The following FOXN2 variants were observed in gnomAD, a reference collection of about 807,000 sequenced individuals.
FOXN2 encodes forkhead box N2.
FOXN2 carries 19 observed loss-of-function variants against 41.2 expected under a neutral mutation model. That is an observed-to-expected ratio of 0.46 (90% CI 0.32 to 0.68). The LOEUF (loss-of-function observed/expected upper bound fraction) is 0.68. FOXN2 is among the 30% of genes least tolerant of loss of function. FOXN2 has a pLI of 0.03. For missense variants in FOXN2, 587 were observed against 509.4 expected (o/e 1.15, Z -1.47); for synonymous variants, 195 against 176.8 (o/e 1.10, Z -0.82).
At chr2:48,359,392 C>G (rs1314112893) in intron 4 of FOXN2, among the ~76,000 whole-genome samples, 1 of 152,138 alleles carries the variant, frequency 6.6e-6, no homozygotes, top group Non-Finnish European at 1.5e-5. Flanking sequence ...CTCCTGGGTT[C>G]AGGTGATCCT....
rs1052654368 is a variant in FOXN2, at chr2:48,379,087, G to A, written c.*3644G>A. The A allele has an allele frequency of 7.9e-5, 12 of 152,388 alleles. No homozygotes were observed. The highest frequency in any genetic ancestry group is 1.7e-4 in the African/African-American group (7 of 41,358). 9.4% of individuals were successfully genotyped at this position (152,388 alleles called of 1,614,324 possible). A position where few individuals can be genotyped will look rare whatever the true frequency, so the allele number is the denominator to read the frequency against. On this transcript the variant is annotated 3_prime_UTR_variant, in exon 7 of 7. Transcript: ENST00000340553. ...TCTGATGTAGCATAAAAATTGTCCC[G>A]GTTTGAGTTATAACTGCCAGTAGAT...
intron 2 of FOXN2, among the ~76,000 whole-genome samples, chr2:48,330,451 A>G (rs556483474): frequency 2.6e-5 from 4 of 152,218 alleles, no homozygotes; most frequent in Non-Finnish European, 5.9e-5. Flanking sequence ...TGTAGCAGAC[A>G]TTTCTTTTTC....
chr2:48,352,923 G>A (rs1188053429), intron 3 of FOXN2, among the ~76,000 whole-genome samples: 1 of 152,056 alleles, frequency 6.6e-6, no homozygotes, highest in Admixed American at 6.6e-5. Flanking sequence ...GTTGCTTTTT[G>A]ATTCTGGCCA....
intron 3 of FOXN2, among the ~76,000 whole-genome samples, chr2:48,353,712 G>C (rs996845761): frequency 2.0e-5 from 3 of 151,704 alleles, no homozygotes; most frequent in African/African-American, 7.3e-5. Flanking sequence ...ATGAACATTT[G>C]GGTTTCTAAT....
In FOXN2 at chr2:48,375,480, T is replaced by A. The variant is rs1421317627; in HGVS notation, c.*37T>A. 2 of 1,538,466 alleles carry A rather than the reference T, an allele frequency of 1.3e-6. No homozygotes were observed. Among genetic ancestry groups the A allele is most frequent in the Admixed American group, 1.9e-5 (1 of 53,068 alleles). On this transcript the variant is annotated 3_prime_UTR_variant, in exon 7 of 7. Coordinates refer to ENST00000340553, the MANE Select transcript of FOXN2 (RefSeq NM_002158.4). ...GTGTGGCAATACTCTTTCACTTAAT[T>A]CTTTACAAGGGATATCAAAGCCATA...
chr2:48,333,123 A>G (rs1670118815), intron 2 of FOXN2, among the ~76,000 whole-genome samples: 1 of 152,144 alleles, frequency 6.6e-6, no homozygotes, highest in Admixed American at 6.5e-5. Context: ...GAAGGCTTTC[A>G]TTTTATAATT....
chr2:48,361,494 A>C (rs1672183683), intron 4 of FOXN2, among the ~76,000 whole-genome samples: 1 of 152,048 alleles, frequency 6.6e-6, no homozygotes, highest in Non-Finnish European at 1.5e-5. Flanking sequence ...ATTAAACTAC[A>C]ACATAAGGGT....
At chr2:48,341,370 A>G (rs1670757620) in intron 2 of FOXN2, among the ~76,000 whole-genome samples, 1 of 152,308 alleles carries the variant, frequency 6.6e-6, no homozygotes, top group Admixed American at 6.5e-5. Context: ...GTAATATTGC[A>G]TATTTATATA....
intron 2 of FOXN2, among the ~76,000 whole-genome samples, chr2:48,338,288 A>G (rs1169732952): frequency 1.3e-5 from 2 of 152,362 alleles, no homozygotes; most frequent in African/African-American, 2.4e-5. Context: ...TGCAGCAAAC[A>G]AAAAACTGAG....
intron 6 of FOXN2, among the ~76,000 whole-genome samples, chr2:48,374,356 T>C (rs1673098240): frequency 6.6e-6 from 1 of 152,124 alleles, no homozygotes; most frequent in African/African-American, 2.4e-5. Context: ...AGGTAACTTT[T>C]TTGTCCATAA....
intron 5 of FOXN2, among the ~76,000 whole-genome samples, chr2:48,367,197 A>G (rs915370260): frequency 6.6e-6 from 1 of 152,182 alleles, no homozygotes; most frequent in Non-Finnish European, 1.5e-5. Flanking sequence ...AGATAGCAGA[A>G]CGAAATTTTT....
chr2:48,373,657 G>A (rs1271654114), intron 6 of FOXN2, among the ~76,000 whole-genome samples: 1 of 152,018 alleles, frequency 6.6e-6, no homozygotes, highest in Non-Finnish European at 1.5e-5. Flanking sequence ...AATATAATAA[G>A]TAAAGTATAT....
Position 48,377,276 on chromosome 2 carries a change from T to C in FOXN2, c.*1833T>C, listed in dbSNP as rs1270772488. 6.6e-6 allele frequency: 1 copy of C among 152,006 alleles called. No homozygotes were observed. Among genetic ancestry groups the C allele is most frequent in the Non-Finnish European group, 1.5e-5 (1 of 67,880 alleles). The allele number at this position is 152,006 out of a possible 1,614,324, so 9.4% of individuals were successfully genotyped here. A position where few individuals can be genotyped will look rare whatever the true frequency, so the allele number is the denominator to read the frequency against. On this transcript the variant is annotated 3_prime_UTR_variant, in exon 7 of 7. Transcript: ENST00000340553. ...AATGGCTAAACCAAGTTAACTTTTA[T>C]TATAGACAGTGAATAAAACACCAAA... is the stretch of plus-strand genomic sequence containing the variant.
At chr2:48,352,112 G>A (rs538064812) in intron 3 of FOXN2, among the ~76,000 whole-genome samples, 5 of 152,256 alleles carry the variant, frequency 3.3e-5, no homozygotes, top group African/African-American at 9.6e-5. Context: ...TTTAAGCCAG[G>A]AGCATGATGG....
intron 4 of FOXN2, among the ~76,000 whole-genome samples, chr2:48,362,200 G>A (rs975666371): frequency 1.3e-5 from 2 of 152,150 alleles, no homozygotes; most frequent in African/African-American, 4.8e-5. Flanking sequence ...AGTAGTATTA[G>A]CAAAGAAAAC....
At chr2:48,332,090 A>G (rs1670053528) in intron 2 of FOXN2, among the ~76,000 whole-genome samples, 1 of 152,196 alleles carries the variant, frequency 6.6e-6, no homozygotes, top group Non-Finnish European at 1.5e-5. Flanking sequence ...AGTTGGACAC[A>G]ATGAATGTAA....
chr2:48,376,554 G>T lies in FOXN2; in HGVS notation c.*1111G>T, dbSNP rs757248461. The T allele has an allele frequency of 6.6e-6, 1 of 152,398 alleles. No homozygotes were observed. Among genetic ancestry groups the T allele is most frequent in the African/African-American group, 2.4e-5 (1 of 41,410 alleles). 9.4% of individuals were successfully genotyped at this position (152,398 alleles called of 1,614,324 possible). ...GAATTTCAAAATTCATATAAAATTTGATCTTATGCAATACACCTTTTTGAG... is the reference window on the plus strand; with the variant it reads ...GAATTTCAAAATTCATATAAAATTTTATCTTATGCAATACACCTTTTTGAG... On this transcript the variant is annotated 3_prime_UTR_variant, in exon 7 of 7. Transcript: ENST00000340553.
chr2:48,345,215 G>C (rs1032654878), intron 2 of FOXN2, among the ~76,000 whole-genome samples: 4 of 152,122 alleles, frequency 2.6e-5, no homozygotes, highest in African/African-American at 9.7e-5. Flanking sequence ...ATTTTAAAAA[G>C]AAATGATAAC....
intron 2 of FOXN2, among the ~76,000 whole-genome samples, chr2:48,339,771 T>C (rs1670617468): frequency 3.9e-5 from 6 of 152,212 alleles, no homozygotes; most frequent in Admixed American, 3.9e-4. Context: ...TGTTCAACTT[T>C]TAGATGTATA....
Sources: allele counts gnomAD v4.1 joint callset (sites outside exome capture counted in the v4.1 genomes callset), GRCh38; gene constraint gnomAD v4.1.1; transcripts MANE v1.5; gene names NCBI Gene and HGNC (gene_info 2026-07-23, HGNC 2026-07-21).